Variants in RORA observed in about 807,000 individuals in gnomAD.
The protein encoded by RORA is nuclear receptor ROR-alpha.
In RORA, 7 loss-of-function variants were observed where a neutral mutation model predicts 69.5. The observed-to-expected ratio is 0.10, with a 90% CI of 0.06 to 0.19. The LOEUF is 0.19. RORA is among the 10% of genes least tolerant of loss of function. The pLI is 1.00. For synonymous variants in RORA, 261 were observed against 240.8 expected (o/e 1.08, Z -0.78); for missense variants, 457 against 663.0 (o/e 0.69, Z 3.41).
At chr15:60,545,316 C>T (rs180969911) in intron 2 of RORA, among the ~76,000 whole-genome samples, 50 of 152,258 alleles carry the variant, frequency 3.3e-4, no homozygotes, top group Middle Eastern at 3.4e-3. Flanking sequence ...AACAATGAGA[C>T]GAATGGCTAG....
Position 61,147,789 on chromosome 15 carries a change from G to T in RORA, c.166+81264C>A, listed in dbSNP as rs888709164. 1.3e-5 allele frequency among the ~76,000 whole-genome samples: 2 copies of T among 152,058 alleles called. No individual in the cohort carries two copies. The highest frequency in any genetic ancestry group is 2.9e-5 in the Non-Finnish European group (2 of 68,002). The stretch of plus-strand genomic sequence containing the variant: ...CGCGTGTGTGTGTGTGTGTGTGTGT[G>T]TGTGTGAAATCTTTAGGTTTTTTTA... On this transcript the variant is annotated intron_variant, in intron 1 of 10. Coordinates refer to ENST00000335670, the MANE Select transcript of RORA (RefSeq NM_134261.3). The surrounding 1 kb of genome is among the most constrained non-coding windows in gnomAD (Gnocchi z 4.1).
intron 1 of RORA, among the ~76,000 whole-genome samples, chr15:60,754,198 C>G (rs2071764888): frequency 6.6e-6 from 1 of 152,214 alleles, no homozygotes; most frequent in South Asian, 2.1e-4. Flanking sequence ...TATTTGTCTG[C>G]TTTGAAAATC....
chr15:61,176,549 T>C (rs2079631217), intron 1 of RORA: 1 of 152,136 alleles, frequency 6.6e-6, no homozygotes, highest in South Asian at 2.1e-4. Flanking sequence ...TGGGCTCACG[T>C]AATCCTCTTA....
chr15:60,610,734 G>A (rs1433351370), intron 2 of RORA, among the ~76,000 whole-genome samples: 1 of 152,018 alleles, frequency 6.6e-6, no homozygotes, highest in East Asian at 1.9e-4. Flanking sequence ...GAGAGAGAGA[G>A]AGAGAAGGAA....
At position 60,706,304 on chromosome 15, in the gene RORA, T is replaced by C. The variant is rs987055382; in HGVS notation, c.167-27618A>G. ...CGGATTGCTTCAGTTTCCCATTTGC[T>C]GCTTGACACAGCACCCTCAAGCAGC... On this transcript the variant is annotated intron_variant, in intron 1 of 10. Coordinates refer to ENST00000335670, the MANE Select transcript of RORA (RefSeq NM_134261.3). 3.3e-5 allele frequency: 5 copies of C among 152,246 alleles called. No homozygotes were observed. The East Asian group carries it at 9.6e-4, about 29-fold the overall frequency. The allele number at this position is 152,246 out of a possible 1,614,324, so 9.4% of individuals were successfully genotyped here.
intron 1 of RORA, among the ~76,000 whole-genome samples, chr15:61,022,780 G>A (rs1192869271): frequency 6.6e-6 from 1 of 152,140 alleles, no homozygotes; most frequent in Non-Finnish European, 1.5e-5. Context: ...TTGCTGTCTG[G>A]AGGTAGAAGA....
At chr15:60,803,486 C>T (rs1012548377) in intron 1 of RORA, among the ~76,000 whole-genome samples, 2 of 152,182 alleles carry the variant, frequency 1.3e-5, no homozygotes, top group South Asian at 2.1e-4. Flanking sequence ...CTGCATGCAA[C>T]GTGCATGTCA....
intron 1 of RORA, among the ~76,000 whole-genome samples, chr15:60,766,733 T>C (rs1473848882): frequency 2.0e-5 from 3 of 152,078 alleles, no homozygotes; most frequent in South Asian, 2.1e-4. Flanking sequence ...GGCCGAGTTT[T>C]AAAAGTTTTC....
chr15:61,214,369 A>C (rs2080019045), intron 1 of RORA: 1 of 152,210 alleles, frequency 6.6e-6, no homozygotes, highest in African/African-American at 2.4e-5. Flanking sequence ...CTATCTCCTT[A>C]AATCCTTGCG....
At chr15:61,228,966 C>T in intron 1 of RORA, 87 bp downstream of exon 1, 1 of 611,824 alleles carries the variant, frequency 1.6e-6, no homozygotes, top group Non-Finnish European at 2.0e-6. Context: ...CGCCGGACCC[C>T]GCGCCCCGGG....
At chr15:60,734,579 G>A (rs1415371492) in intron 1 of RORA, among the ~76,000 whole-genome samples, 2 of 152,158 alleles carry the variant, frequency 1.3e-5, no homozygotes, top group Non-Finnish European at 2.9e-5. Flanking sequence ...TAGGAGACAG[G>A]CACCAACATA....
rs1197319807 is a variant in RORA, at chr15:61,128,600, T to C, written c.166+100453A>G. On this transcript the variant is annotated intron_variant, in intron 1 of 10. Coordinates refer to ENST00000335670, the MANE Select transcript of RORA (RefSeq NM_134261.3). The surrounding 1 kb of genome is among the most constrained non-coding windows in gnomAD (Gnocchi z 4.5). ...GGGGTGTGCAATCGATGTTGTCACA[T>C]ATATTCCCATGGTTTTTCCAGCTTT... Among the ~76,000 whole-genome samples the C allele has an allele frequency of 1.3e-5, 2 of 152,222 alleles. No homozygotes were observed. Among genetic ancestry groups the C allele is most frequent in the Non-Finnish European group, 2.9e-5 (2 of 68,046 alleles).
intron 1 of RORA, among the ~76,000 whole-genome samples, chr15:60,871,873 G>A (rs2073560010): frequency 6.6e-6 from 1 of 152,234 alleles, no homozygotes; most frequent in African/African-American, 2.4e-5. Context: ...TAATAGTAAT[G>A]TGCCAATGTT....
At chr15:60,831,778 G>GGTAT (rs1316410413) in intron 1 of RORA, among the ~76,000 whole-genome samples, 3 of 152,266 alleles carry the variant, frequency 2.0e-5, no homozygotes, top group African/African-American at 4.8e-5. Context: ...TGGCCAAAAT[G>GGTAT]GTATGTTGCA....
chr15:61,174,375 T>A (rs1345600565), intron 1 of RORA, among the ~76,000 whole-genome samples: 1 of 152,210 alleles, frequency 6.6e-6, no homozygotes, highest in Non-Finnish European at 1.5e-5. Flanking sequence ...CCCCAGCTCT[T>A]AGCCAACCAC....
rs1293214407 is a variant in RORA, at chr15:60,534,331, T to C, written c.197-2480A>G. Among the ~76,000 whole-genome samples the C allele has an allele frequency of 6.6e-6, 1 of 152,100 alleles. No individual in the cohort carries two copies. Among genetic ancestry groups the C allele is most frequent in the Non-Finnish European group, 1.5e-5 (1 of 68,004 alleles). ...CAGTTGTAGTACAGACCCCAGAGTT[T>C]GGTGCCACTGTGACACAGGACTGAT... On this transcript the variant is annotated intron_variant, in intron 2 of 10. Coordinates refer to ENST00000335670, the MANE Select transcript of RORA (RefSeq NM_134261.3). This position sits in a 1 kb window ranked among gnomAD's most constrained non-coding sequence, Gnocchi z 5.0.
chr15:60,746,160 A>G (rs532762717), intron 1 of RORA, among the ~76,000 whole-genome samples: 1 of 152,322 alleles, frequency 6.6e-6, no homozygotes, highest in Non-Finnish European at 1.5e-5. Context: ...TCTGGGCTCC[A>G]TTTTTTAAAA....
chr15:61,152,582 T>C (rs1215714972), intron 1 of RORA, among the ~76,000 whole-genome samples: 1 of 152,102 alleles, frequency 6.6e-6, no homozygotes, highest in Non-Finnish European at 1.5e-5. Context: ...TCAACAAATA[T>C]GTACTAAATC....
At chr15:60,789,868 T>A (rs1331723878) in intron 1 of RORA, among the ~76,000 whole-genome samples, 1 of 152,136 alleles carries the variant, frequency 6.6e-6, no homozygotes, top group Non-Finnish European at 1.5e-5. Context: ...ATAGGCAGCA[T>A]GAATTAAATG....
Sources: gnomAD v4.1 joint callset for allele counts (sites outside exome capture counted in the v4.1 genomes callset) on GRCh38, gnomAD v4.1.1 for gene constraint, Gnocchi (gnomAD v3.1) non-coding constraint, MANE v1.5 for transcripts, NCBI Gene and HGNC (gene_info 2026-07-23, HGNC 2026-07-21) for gene names.